The following GRAMD2B variants were observed in gnomAD, a reference collection of about 807,000 sequenced individuals.
The protein encoded by GRAMD2B is GRAM domain containing 2B.
GRAMD2B carries 41 observed loss-of-function variants against 59.2 expected under a neutral mutation model. That is an observed-to-expected ratio of 0.69 (90% CI 0.54 to 0.90). The LOEUF (loss-of-function observed/expected upper bound fraction) is 0.90, where lower values mean the gene tolerates loss of function less well. Among genes scored for constraint, GRAMD2B ranks in the 40% least tolerant of loss-of-function variants. The pLI, the probability that GRAMD2B is intolerant of heterozygous loss-of-function variation, is 0.00. For synonymous variants in GRAMD2B, 161 were observed against 182.7 expected (o/e 0.88, Z 0.96); for missense variants, 424 against 500.5 (o/e 0.85, Z 1.46).
At chr5:126,413,581 A>G (rs1430824691) in intron 1 of GRAMD2B, among the ~76,000 whole-genome samples, 1 of 152,014 alleles carries the variant, frequency 6.6e-6, no homozygotes, top group African/African-American at 2.4e-5. Context: ...TCTGTGGTAG[A>G]TGGGTGGAAT....
At chr5:126,382,599 A>G (rs1410374709) in intron 1 of GRAMD2B, among the ~76,000 whole-genome samples, 1 of 152,114 alleles carries the variant, frequency 6.6e-6, no homozygotes, top group Non-Finnish European at 1.5e-5. Flanking sequence ...CATATCCTGT[A>G]ACATTTTAAA....
At chr5:126,472,940 G>A (rs1769905957) in intron 4 of GRAMD2B, among the ~76,000 whole-genome samples, 1 of 152,204 alleles carries the variant, frequency 6.6e-6, no homozygotes, top group African/African-American at 2.4e-5. Flanking sequence ...TGGGGAAAAG[G>A]GGAACAGGTG....
intron 1 of GRAMD2B, among the ~76,000 whole-genome samples, chr5:126,381,171 T>G (rs1052502230): frequency 7.9e-5 from 12 of 152,218 alleles, no homozygotes; most frequent in Non-Finnish European, 1.8e-4. Context: ...GTGATTTTTG[T>G]TTTTAATTCT....
At chr5:126,491,145 CTTTGT>C (rs1242396516) in intron 13 of GRAMD2B, among the ~76,000 whole-genome samples, 9 of 152,102 alleles carry the variant, frequency 5.9e-5, no homozygotes, top group East Asian at 1.9e-4. Flanking sequence ...TAATTCTCTC[CTTTGT>C]TTTAATTTTG....
chr5:126,432,178 C>T (rs1011929451), intron 1 of GRAMD2B, among the ~76,000 whole-genome samples: 11 of 152,294 alleles, frequency 7.2e-5, no homozygotes, highest in African/African-American at 2.6e-4. Flanking sequence ...ATTTGCCCAC[C>T]TCAGCCTCCC....
rs574368427 is a variant in GRAMD2B, at chr5:126,469,903, G to A, written c.315+115G>A. On this transcript the variant is annotated intron_variant, in intron 3 of 13. Coordinates refer to ENST00000285689, the MANE Select transcript of GRAMD2B (RefSeq NM_023927.4). ...GCTGGTCAAGACTAATATAGGTATA[G>A]AGTTTAGAGAATTTAGAAGAACAAA... is the stretch of plus-strand genomic sequence containing the variant. The A allele has an allele frequency of 1.0e-5, 7 of 682,738 alleles. No individual in the cohort carries two copies. In the South Asian group the frequency reaches 1.2e-4, roughly 11 times the overall value. The allele number at this position is 682,738 out of a possible 1,614,324, so 42.3% of individuals were successfully genotyped here. A position where few individuals can be genotyped will look rare whatever the true frequency, so the allele number is the denominator to read the frequency against.
chr5:126,443,929 G>A (rs1485932900), intron 1 of GRAMD2B, among the ~76,000 whole-genome samples: 1 of 152,046 alleles, frequency 6.6e-6, no homozygotes, highest in African/African-American at 2.4e-5. Flanking sequence ...GTGGGCGCCT[G>A]TAATCCCAGC....
intron 1 of GRAMD2B, among the ~76,000 whole-genome samples, chr5:126,399,332 C>T (rs1056119714): frequency 1.3e-5 from 2 of 152,152 alleles, no homozygotes; most frequent in Non-Finnish European, 1.5e-5. Context: ...ATCCAAATCT[C>T]ATCTTGAATT....
chr5:126,378,724 G>A (rs915934520), intron 1 of GRAMD2B, among the ~76,000 whole-genome samples: 6 of 152,198 alleles, frequency 3.9e-5, no homozygotes, highest in Admixed American at 2.0e-4. Context: ...AGGAATGCAT[G>A]TTGGCTTGTG....
chr5:126,393,273 A>G (rs1266253968), intron 1 of GRAMD2B, among the ~76,000 whole-genome samples: 1 of 152,178 alleles, frequency 6.6e-6, no homozygotes, highest in Non-Finnish European at 1.5e-5. Flanking sequence ...TCCTTTTACA[A>G]TTTTATTTCA....
At chr5:126,479,700 G>A (rs2126892718) in intron 6 of GRAMD2B, among the ~76,000 whole-genome samples, 1 of 152,280 alleles carries the variant, frequency 6.6e-6, no homozygotes, top group South Asian at 2.1e-4. Context: ...TATAGTACTT[G>A]CTCGGAAATA....
rs577135298 is a variant in GRAMD2B at position 126,427,498 on chromosome 5, A to G, written c.83+3809A>G. ...TTTGAATTTTTAACATTTGAACTTT[A>G]ATAACTTGAGGTGTAAGAATTTTAG... On this transcript the variant is annotated intron_variant, in intron 1 of 13. Coordinates refer to ENST00000285689, the MANE Select transcript of GRAMD2B (RefSeq NM_023927.4). Among the ~76,000 whole-genome samples, 439 of 152,274 alleles carry G rather than the reference A, an allele frequency of 2.9e-3. 2 individuals are homozygous for G. The highest frequency in any genetic ancestry group is 0.01 in the African/African-American group (420 of 41,500).
intron 1 of GRAMD2B, among the ~76,000 whole-genome samples, chr5:126,362,361 T>C (rs1332218219): frequency 3.3e-5 from 5 of 152,214 alleles, no homozygotes; most frequent in Non-Finnish European, 7.3e-5. Context: ...TATAATAGTA[T>C]ATGAGCCTTT....
intron 1 of GRAMD2B, among the ~76,000 whole-genome samples, chr5:126,390,142 A>G (rs902427644): frequency 5.3e-5 from 8 of 152,218 alleles, no homozygotes; most frequent in African/African-American, 1.9e-4. Context: ...CTCATTTATT[A>G]GTCTACATGC....
chr5:126,434,208 G>C (rs1762035293), intron 1 of GRAMD2B, among the ~76,000 whole-genome samples: 1 of 152,048 alleles, frequency 6.6e-6, no homozygotes, highest in African/African-American at 2.4e-5. Flanking sequence ...AAATTTTATA[G>C]TTATTATTCT....
At chr5:126,427,885 AT>A (rs1379699389) in intron 1 of GRAMD2B, among the ~76,000 whole-genome samples, 2 of 152,136 alleles carry the variant, frequency 1.3e-5, no homozygotes, top group African/African-American at 2.4e-5. Context: ...GCAAAAGAAG[AT>A]TATCTCTCTA....
intron 2 of GRAMD2B, among the ~76,000 whole-genome samples, chr5:126,468,431 G>A (rs1036298950): frequency 1.3e-5 from 2 of 152,052 alleles, no homozygotes; most frequent in Non-Finnish European, 2.9e-5. Context: ...GTTAGGCCCA[G>A]CATTTTAAGC....
At chr5:126,474,238 C>G (rs1307684666) in intron 5 of GRAMD2B, among the ~76,000 whole-genome samples, 1 of 152,160 alleles carries the variant, frequency 6.6e-6, no homozygotes, top group Non-Finnish European at 1.5e-5. Flanking sequence ...AACTTTCATA[C>G]TCATGAAGTC....
intron 1 of GRAMD2B, among the ~76,000 whole-genome samples, chr5:126,452,666 C>T (rs1765578845): frequency 6.6e-6 from 1 of 152,134 alleles, no homozygotes; most frequent in Non-Finnish European, 1.5e-5. Context: ...CACCACTTCT[C>T]CTTGGCATTC....
Sources: allele counts gnomAD v4.1 joint callset (sites outside exome capture counted in the v4.1 genomes callset), GRCh38; gene constraint gnomAD v4.1.1; transcripts MANE v1.5; gene names NCBI Gene and HGNC (gene_info 2026-07-23, HGNC 2026-07-21).